Variants in MKX observed in about 807,000 individuals in gnomAD.
MKX encodes homeobox protein Mohawk.
Under a neutral mutation model 36.0 loss-of-function variants are expected in MKX, and 13 were observed. The ratio of observed to expected loss-of-function variants is 0.36; its 90% confidence interval spans 0.24 to 0.57. MKX has a LOEUF of 0.57. Among genes scored for constraint, MKX ranks in the 20% least tolerant of loss-of-function variants. The pLI, the probability that MKX is intolerant of heterozygous loss-of-function variation, is 0.79. For missense variants in MKX, 458 were observed against 456.4 expected (o/e 1.00, Z -0.03); for synonymous variants, 176 against 178.3 (o/e 0.99, Z 0.10).
At chr10:27,722,904 T>C (rs1211277028) in intron 5 of MKX, among the ~76,000 whole-genome samples, 1 of 152,152 alleles carries the variant, frequency 6.6e-6, no homozygotes, top group African/African-American at 2.4e-5. Context: ...CCTGTGAGCA[T>C]TTCACTGAGT....
At chr10:27,709,046 G>A (rs537962401) in intron 5 of MKX, among the ~76,000 whole-genome samples, 48 of 151,714 alleles carry the variant, frequency 3.2e-4, no homozygotes, top group African/African-American at 1.1e-3. Flanking sequence ...GTGGCTGCCT[G>A]TAATCCCAGC....
In MKX at chr10:27,711,499, T is replaced by TTTCCTTCC. The variant is rs58561142; in HGVS notation, c.838+22949_838+22956dup. 8.2e-4 allele frequency among the ~76,000 whole-genome samples: 76 copies of TTTCCTTCC among 93,046 alleles called. 1 individual carries two copies. The highest frequency in any genetic ancestry group is 2.5e-3 in the African/African-American group (49 of 19,284). 61.0% of individuals were successfully genotyped at this position (93,046 alleles called of 152,430 possible). ...TCTTTCTTTCTCTCTCTCTCTCTTC[T>TTTCCTTCC]TTCCTTCCTTCCTTCCTTCCTTCCT... On this transcript the variant is annotated intron_variant, in intron 5 of 6. Coordinates refer to ENST00000419761, the MANE Select transcript of MKX (RefSeq NM_173576.3).
chr10:27,741,167 C>T lies in MKX; in HGVS notation c.348+178G>A, dbSNP rs1447312703. 2.0e-5 allele frequency among the ~76,000 whole-genome samples: 3 copies of T among 152,226 alleles called. No individual in the cohort carries two copies. The highest frequency in any genetic ancestry group is 7.2e-5 in the African/African-American group (3 of 41,452). On this transcript the variant is annotated intron_variant, in intron 3 of 6. Transcript: ENST00000419761. The surrounding 1 kb of genome is among the most constrained non-coding windows in gnomAD (Gnocchi z 5.1). ...AGCGCATCCTGCATTCTTTCCTGCA[C>T]GGAGCATCTGCACTGAACTGAGGGA... is the stretch of plus-strand genomic sequence containing the variant.
At position 27,675,359 on chromosome 10, in the gene MKX, G is replaced by C; in HGVS notation, c.929C>G (p.Ala310Gly). ...KDDTYWKEIN[A>G]AMALTNLAQG... is the part of the protein sequence containing the mutation. ...TGCAAGATTTGTTAAGGCCATAGCTGCGTTGATCTCCTTCCAATACGTGTC... is the reference window on the plus strand; with the variant it reads ...TGCAAGATTTGTTAAGGCCATAGCTCCGTTGATCTCCTTCCAATACGTGTC... Residue 310 changes from alanine to glycine, a missense_variant, in exon 7 of 7, where the codon GCA becomes GGA. Ala to Gly is a moderately conservative substitution (Grantham distance 60). This residue lies in a region of MKX where 297 missense variants were observed against 304.4 expected (regional missense o/e 0.98). Coordinates refer to ENST00000419761, the MANE Select transcript of MKX (RefSeq NM_173576.3). 1 of 1,614,204 alleles carries C rather than the reference G, an allele frequency of 6.2e-7. No homozygotes were observed. The highest frequency in any genetic ancestry group is 8.5e-7 in the Non-Finnish European group (1 of 1,180,040).
chr10:27,678,785 T>G (rs1836200869), intron 5 of MKX, among the ~76,000 whole-genome samples: 1 of 152,210 alleles, frequency 6.6e-6, no homozygotes, highest in Non-Finnish European at 1.5e-5. Flanking sequence ...TAGCACTCCC[T>G]GTGGCTGACT....
chr10:27,743,137 C>G, intron 2 of MKX, 91 bp downstream of exon 2: 1 of 1,271,158 alleles, frequency 7.9e-7, no homozygotes, highest in Non-Finnish European at 1.0e-6. Flanking sequence ...TCCCGTCCAC[C>G]CGCCCGCGTT....
At chr10:27,689,308 A>C (rs987845557) in intron 5 of MKX, among the ~76,000 whole-genome samples, 2 of 150,914 alleles carry the variant, frequency 1.3e-5, no homozygotes, top group Non-Finnish European at 3.0e-5. Context: ...ACTAGAAAAA[A>C]CCCCCACATT....
At chr10:27,684,020 A>G (rs1836299939) in intron 5 of MKX, among the ~76,000 whole-genome samples, 1 of 152,192 alleles carries the variant, frequency 6.6e-6, no homozygotes, top group South Asian at 2.1e-4. Context: ...CTTTTTATAA[A>G]TAGCATTTGT....
At chr10:27,703,474 A>G (rs1836696331) in intron 5 of MKX, among the ~76,000 whole-genome samples, 1 of 152,048 alleles carries the variant, frequency 6.6e-6, no homozygotes, top group Admixed American at 6.6e-5. Flanking sequence ...ACTAAGGTCA[A>G]TGGAAGTAAA....
chr10:27,683,329 C>T (rs1715234644), intron 5 of MKX, among the ~76,000 whole-genome samples: 1 of 152,242 alleles, frequency 6.6e-6, no homozygotes, highest in South Asian at 2.1e-4. Context: ...GTACAGCAAT[C>T]TACTGTACAG....
chr10:27,743,671 C>T (rs1039754357), intron 1 of MKX, 174 bp from the exon 2 acceptor site: 2 of 487,160 alleles, frequency 4.1e-6, no homozygotes, highest in Non-Finnish European at 7.1e-6. Context: ...CGCCCCCGCC[C>T]CTGCAGGTTC....
At chr10:27,737,809 A>T (rs1321743725) in intron 3 of MKX, among the ~76,000 whole-genome samples, 1 of 152,076 alleles carries the variant, frequency 6.6e-6, no homozygotes, top group East Asian at 1.9e-4. Flanking sequence ...CTAACCTTAA[A>T]TCTTAACTAA....
At chr10:27,679,205 G>C (rs1319626642) in intron 5 of MKX, among the ~76,000 whole-genome samples, 1 of 152,082 alleles carries the variant, frequency 6.6e-6, no homozygotes, top group Non-Finnish European at 1.5e-5. Flanking sequence ...AACCAACATG[G>C]CACATGTATA....
intron 5 of MKX, among the ~76,000 whole-genome samples, chr10:27,695,605 A>G (rs1349564744): frequency 3.9e-5 from 6 of 152,192 alleles, no homozygotes; most frequent in Non-Finnish European, 8.8e-5. Flanking sequence ...ACATAAAATG[A>G]AAAATACTTC....
At chr10:27,715,616 A>G (rs1250055670) in intron 5 of MKX, among the ~76,000 whole-genome samples, 1 of 152,148 alleles carries the variant, frequency 6.6e-6, no homozygotes, top group Admixed American at 6.5e-5. Flanking sequence ...TAAGGTACCT[A>G]CTTCATGGGG....
In MKX at chr10:27,727,887, G is replaced by GT. The variant is rs1427595372; in HGVS notation, c.838+6568dup. Among the ~76,000 whole-genome samples the GT allele has an allele frequency of 2.0e-5, 3 of 152,182 alleles. 1 individual carries two copies. The highest frequency in any genetic ancestry group is 4.4e-5 in the Non-Finnish European group (3 of 68,036). On this transcript the variant is annotated intron_variant, in intron 5 of 6. Coordinates refer to ENST00000419761, the MANE Select transcript of MKX (RefSeq NM_173576.3). ...CCTCTCCAAAGCTGTGCTGAATAGT[G>GT]TAAGTTTAGAAGAGAAGAAAATTCT...
In MKX at chr10:27,731,089, G is replaced by A. The variant is rs1410306670; in HGVS notation, c.838+3367C>T. Among the ~76,000 whole-genome samples the A allele has an allele frequency of 4.8e-5, 7 of 146,136 alleles. No homozygotes were observed. The East Asian group carries it at 1.1e-3, about 22-fold the overall frequency. On this transcript the variant is annotated intron_variant, in intron 5 of 6. Transcript: ENST00000419761. Reference sequence around the variant, plus strand: ...GTGGAGGTTGCAGTGAACCGAGATCGTGCCACTGCACTCCAGCCTGAGCGA... The same window carrying A: ...GTGGAGGTTGCAGTGAACCGAGATCATGCCACTGCACTCCAGCCTGAGCGA...
At position 27,711,467 on chromosome 10, in the gene MKX, CTT is replaced by C. The variant is rs58670032; in HGVS notation, c.838+22987_838+22988del. Among the ~76,000 whole-genome samples, 264 of 43,870 alleles carry C rather than the reference CTT, an allele frequency of 6.0e-3. 1 individual carries two copies. The highest frequency in any genetic ancestry group is 0.01 in the African/African-American group (66 of 6,352). The allele number at this position is 43,870 out of a possible 152,430, so 28.8% of individuals were successfully genotyped here. ...TCTTTCTTTCTTTCTTTCTTTCTTT[CTT>C]TCTTTCTTTCTTTCTCTCTCTCTCT... is the stretch of plus-strand genomic sequence containing the variant. On this transcript the variant is annotated intron_variant, in intron 5 of 6. Coordinates refer to ENST00000419761, the MANE Select transcript of MKX (RefSeq NM_173576.3).
chr10:27,709,211 T>C (rs1259459237), intron 5 of MKX, among the ~76,000 whole-genome samples: 1 of 151,780 alleles, frequency 6.6e-6, no homozygotes, highest in Non-Finnish European at 1.5e-5. Flanking sequence ...CAACAAAAAA[T>C]ACAGATAAAA....
Sources: gnomAD v4.1 joint callset for allele counts (sites outside exome capture counted in the v4.1 genomes callset) on GRCh38, gnomAD v4.1.1 for gene constraint, gnomAD v4.1.1 regional missense constraint, Gnocchi (gnomAD v3.1) non-coding constraint, MANE v1.5 for transcripts, NCBI Gene and HGNC (gene_info 2026-07-23, HGNC 2026-07-21) for gene names.